The following SOX5 variants were observed in gnomAD, a reference collection of about 807,000 sequenced individuals.
SOX5 encodes SRY-box transcription factor 5.
A neutral mutation model predicts 92.0 loss-of-function variants in SOX5; 9 were observed. The ratio of observed to expected loss-of-function variants is 0.10; its 90% CI spans 0.06 to 0.17. The LOEUF (loss-of-function observed/expected upper bound fraction) is 0.17. Ranked by LOEUF, SOX5 falls within the 10% of genes least tolerant of loss-of-function variation. SOX5 has a pLI of 1.00. For missense variants in SOX5, 642 were observed against 944.5 expected (o/e 0.68, Z 4.20); for synonymous variants, 344 against 336.3 (o/e 1.02, Z -0.25).
chr12:23,815,499 A>C (rs1208481363), intron 3 of SOX5, among the ~76,000 whole-genome samples: 1 of 152,198 alleles, frequency 6.6e-6, no homozygotes, highest in African/African-American at 2.4e-5. Context: ...CTTTAGGTCC[A>C]TATGTCTTAA....
At chr12:24,394,989 T>C (rs998183980) in intron 1 of SOX5, among the ~76,000 whole-genome samples, 10 of 152,188 alleles carry the variant, frequency 6.6e-5, no homozygotes, top group African/African-American at 2.2e-4. Flanking sequence ...AGCTTGATGA[T>C]CTCAAAGATT....
chr12:24,375,501 G>A (rs997522661), intron 1 of SOX5, among the ~76,000 whole-genome samples: 4 of 151,860 alleles, frequency 2.6e-5, no homozygotes, highest in East Asian at 2.0e-4. Flanking sequence ...TTGGGAGACC[G>A]AGGCAGGTGG....
chr12:23,799,644 C>T (rs1395876565), intron 3 of SOX5, among the ~76,000 whole-genome samples: 1 of 151,942 alleles, frequency 6.6e-6, no homozygotes, highest in Non-Finnish European at 1.5e-5. Flanking sequence ...TACTAAAATG[C>T]TTATTTCACA....
At chr12:23,847,435 T>C (rs556859281) in intron 2 of SOX5, among the ~76,000 whole-genome samples, 1 of 152,314 alleles carries the variant, frequency 6.6e-6, no homozygotes, top group South Asian at 2.1e-4. Flanking sequence ...CACTGATTGA[T>C]ACTCAATATT....
In SOX5 at chr12:24,229,554, A is replaced by G. The variant is rs370960814; in HGVS notation, c.-76-16137T>C. Among the ~76,000 whole-genome samples the G allele has an allele frequency of 5.3e-4, 81 of 152,322 alleles. No homozygotes were observed. In the Middle Eastern group the frequency reaches 0.01, roughly 19 times the overall value. On this transcript the variant is annotated intron_variant, in intron 3 of 4. Transcript: ENST00000446891. Reference sequence around the variant, plus strand: ...TTGGGTAAATGTGCTTTGTTTTGCAATGTTCATCTGGAAAGAGACTAGAAG... The same window carrying G: ...TTGGGTAAATGTGCTTTGTTTTGCAGTGTTCATCTGGAAAGAGACTAGAAG...
chr12:23,718,681 G>A (rs2092645154), intron 6 of SOX5, among the ~76,000 whole-genome samples: 1 of 152,018 alleles, frequency 6.6e-6, no homozygotes, highest in African/African-American at 2.4e-5. Context: ...ACAACAAATT[G>A]AGTTTTAATT....
intron 2 of SOX5, among the ~76,000 whole-genome samples, chr12:24,277,479 AATATAT>A (rs769453946): frequency 1.2e-5 from 1 of 82,856 alleles, no homozygotes; most frequent in Admixed American, 1.2e-4. Flanking sequence ...TAAATATATA[AATATAT>A]ATGTAAATTT....
At chr12:24,446,592 T>C (rs1941511020) in intron 1 of SOX5, among the ~76,000 whole-genome samples, 1 of 152,192 alleles carries the variant, frequency 6.6e-6, no homozygotes, top group South Asian at 2.1e-4. Context: ...ATGACTGATT[T>C]GTTTAGAAAA....
chr12:24,052,006 TTTA>T (rs1291015576), intron 4 of SOX5, among the ~76,000 whole-genome samples: 1 of 152,218 alleles, frequency 6.6e-6, no homozygotes, highest in African/African-American at 2.4e-5. Flanking sequence ...CTCCTTAGCA[TTTA>T]AAACTGTCAC....
At chr12:23,549,411 A>G (rs1943754956) in intron 11 of SOX5, among the ~76,000 whole-genome samples, 1 of 151,922 alleles carries the variant, frequency 6.6e-6, no homozygotes, top group Admixed American at 6.6e-5. Context: ...AAATCATGTT[A>G]CTCAAGAGTT....
At chr12:23,825,009 G>T (rs1025528905) in intron 3 of SOX5, among the ~76,000 whole-genome samples, 1 of 152,192 alleles carries the variant, frequency 6.6e-6, no homozygotes, top group Non-Finnish European at 1.5e-5. Context: ...GATGCCAGTG[G>T]ATCTTGGCTT....
chr12:23,902,907 TATAA>T (rs2097251997), intron 1 of SOX5, among the ~76,000 whole-genome samples: 1 of 152,212 alleles, frequency 6.6e-6, no homozygotes, highest in South Asian at 2.1e-4. Context: ...GTATTTCTTT[TATAA>T]ATAAATTAAC....
chr12:23,736,456 C>T (rs933153036), intron 5 of SOX5, among the ~76,000 whole-genome samples: 12 of 151,620 alleles, frequency 7.9e-5, no homozygotes, highest in East Asian at 3.9e-4. Context: ...AGCGAGACTC[C>T]GTCTCAGAAA....
chr12:24,273,565 C>G (rs1238047930), intron 3 of SOX5, among the ~76,000 whole-genome samples: 3 of 152,112 alleles, frequency 2.0e-5, no homozygotes, highest in Non-Finnish European at 4.4e-5. Context: ...GTAATCTGCC[C>G]ATTTCTCTTG....
At chr12:24,074,264 C>A (rs1415035349) in intron 4 of SOX5, among the ~76,000 whole-genome samples, 2 of 152,008 alleles carry the variant, frequency 1.3e-5, no homozygotes, top group African/African-American at 2.4e-5. Flanking sequence ...ATTTTTAAAT[C>A]CTGCATTTTC....
chr12:24,221,555 A>T (rs1960439759), intron 3 of SOX5, among the ~76,000 whole-genome samples: 1 of 152,134 alleles, frequency 6.6e-6, no homozygotes, highest in Non-Finnish European at 1.5e-5. Flanking sequence ...AATACTACCT[A>T]AGGTTGTTAT....
chr12:24,284,432 T>TTGTGTGTGTGTGTG (rs59803171), intron 2 of SOX5, among the ~76,000 whole-genome samples: 1 of 149,564 alleles, frequency 6.7e-6, no homozygotes, highest in African/African-American at 2.5e-5. Context: ...TTTTTTTTCT[T>TTGTGTGTGTGTGTG]TGTGTGTGTG....
At chr12:23,650,451 T>G (rs1308487572) in intron 7 of SOX5, among the ~76,000 whole-genome samples, 1 of 152,130 alleles carries the variant, frequency 6.6e-6, no homozygotes, top group Non-Finnish European at 1.5e-5. Flanking sequence ...CACCCTGTTC[T>G]TACCACTCTC....
chr12:23,740,191 G>A (rs2140989075), intron 5 of SOX5, among the ~76,000 whole-genome samples: 1 of 152,262 alleles, frequency 6.6e-6, no homozygotes, highest in East Asian at 1.9e-4. Context: ...CAACTTGACA[G>A]GAACTGTAAT....
Sources: allele counts gnomAD v4.1 joint callset (sites outside exome capture counted in the v4.1 genomes callset), GRCh38; gene constraint gnomAD v4.1.1; transcripts MANE v1.5; gene names NCBI Gene and HGNC (gene_info 2026-07-23, HGNC 2026-07-21).